The following TSHR variants were observed in gnomAD, a reference collection of about 807,000 sequenced individuals.
The protein encoded by TSHR is thyrotropin receptor.
Under a neutral mutation model 64.1 loss-of-function variants are expected in TSHR, and 51 were observed. The observed-to-expected ratio is 0.80, with a 90% CI of 0.64 to 1.01. The LOEUF (loss-of-function observed/expected upper bound fraction) is 1.01. TSHR is among the 50% of genes least tolerant of loss of function. The pLI, the probability that TSHR is intolerant of heterozygous loss-of-function variation, is 0.00. For missense variants in TSHR, 877 were observed against 942.8 expected (o/e 0.93, Z 0.91); for synonymous variants, 361 against 361.9 (o/e 1.00, Z 0.03).
intron 1 of TSHR, chr14:81,013,366 C>G (rs1035770755): frequency 1.3e-5 from 2 of 152,132 alleles, no homozygotes. Context: ...AGTTTGAAGT[C>G]AGGTAGTGTG....
At chr14:80,999,056 T>C (rs1182276931) in intron 1 of TSHR, among the ~76,000 whole-genome samples, 1 of 152,200 alleles carries the variant, frequency 6.6e-6, no homozygotes, top group Non-Finnish European at 1.5e-5. Flanking sequence ...TCATATTGCT[T>C]GGAGAAGAAA....
chr14:81,064,188 A>C (rs1482860982), intron 2 of TSHR, among the ~76,000 whole-genome samples: 1 of 152,126 alleles, frequency 6.6e-6, no homozygotes, highest in Non-Finnish European at 1.5e-5. Flanking sequence ...TGTAGGCAGG[A>C]AGCTAGTGAA....
At chr14:81,102,792 G>T in intron 7 of TSHR, 5 of 985,392 alleles carry the variant, frequency 5.1e-6, no homozygotes, top group Non-Finnish European at 6.0e-6. Flanking sequence ...GATGACCATT[G>T]TGTGGCGAAA....
chr14:81,025,330 G>A (rs1040849431), intron 1 of TSHR, among the ~76,000 whole-genome samples: 1 of 151,718 alleles, frequency 6.6e-6, no homozygotes, highest in Non-Finnish European at 1.5e-5. Flanking sequence ...AAAAATTGTT[G>A]CAAATCTCCA....
intron 8 of TSHR, among the ~76,000 whole-genome samples, chr14:81,111,779 A>T (rs1019436908): frequency 6.6e-6 from 1 of 152,206 alleles, no homozygotes; most frequent in African/African-American, 2.4e-5. Flanking sequence ...GGTTCATATT[A>T]TAATGCCCAA....
At chr14:80,962,792 G>A (rs1399316770) in intron 1 of TSHR, among the ~76,000 whole-genome samples, 1 of 152,066 alleles carries the variant, frequency 6.6e-6, no homozygotes, top group African/African-American at 2.4e-5. Flanking sequence ...CTTCCATACG[G>A]GACAGAATTT....
Position 81,108,359 on chromosome 14 carries a change from C to CTT in TSHR, c.615-15_615-14insTT. 1.3e-6 allele frequency: 2 copies of CTT among 1,582,846 alleles called. No homozygotes were observed. The highest frequency in any genetic ancestry group is 1.7e-6 in the Non-Finnish European group (2 of 1,152,740). ...CCTAATTCATTCTCTCTCTCTCTTT[C>CTT]TCTCTCTCCCTCTAGTTACCTAAAC... On this transcript the variant is annotated splice_polypyrimidine_tract_variant and intron_variant, in intron 7 of 9. Transcript: ENST00000298171.
chr14:81,073,022 ATAT>A (rs1328868023), intron 3 of TSHR, among the ~76,000 whole-genome samples: 2,114 of 20,110 alleles, frequency 0.11, 122 homozygotes, highest in Non-Finnish European at 0.13. Context: ...TAAAAAATAA[ATAT>A]ATATATATAT....
At chr14:81,084,450 T>C (rs932997414) in intron 3 of TSHR, among the ~76,000 whole-genome samples, 2 of 152,210 alleles carry the variant, frequency 1.3e-5, no homozygotes, top group Admixed American at 6.5e-5. Context: ...CAGAGTACTC[T>C]ATATTTTTGG....
intron 1 of TSHR, among the ~76,000 whole-genome samples, chr14:81,009,758 C>T (rs116179387): frequency 1.3e-5 from 2 of 151,866 alleles, no homozygotes; most frequent in African/African-American, 2.4e-5. Flanking sequence ...AAATAAATCA[C>T]AATTTGTTTA....
Position 80,983,553 on chromosome 14 carries a change from G to A in TSHR, c.170+27703G>A, listed in dbSNP as rs779663510. 3.1e-4 allele frequency: 382 copies of A among 1,238,304 alleles called. 2 individuals are homozygous for A. The highest frequency in any genetic ancestry group is 4.1e-4 in the Non-Finnish European group (351 of 852,836). 76.7% of individuals were successfully genotyped at this position (1,238,304 alleles called of 1,614,324 possible). A position where few individuals can be genotyped will look rare whatever the true frequency, so the allele number is the denominator to read the frequency against. ...TAACATAAAGGAGCATATCAGAAAG[G>A]GCTCAATTGTAGTTGTTGATCACTT... On this transcript the variant is annotated intron_variant, in intron 1 of 9. Transcript: ENST00000298171.
intron 1 of TSHR, among the ~76,000 whole-genome samples, chr14:81,047,252 C>T (rs1325084755): frequency 6.6e-6 from 1 of 151,786 alleles, no homozygotes; most frequent in African/African-American, 2.4e-5. Flanking sequence ...GGGAAGAACT[C>T]GCTTTTTGGC....
intron 1 of TSHR, chr14:80,994,382 A>C (rs112013535): frequency 2.6e-5 from 4 of 152,154 alleles, no homozygotes; most frequent in African/African-American, 9.6e-5. Context: ...AAAACTATTT[A>C]AAAATTTATA....
intron 1 of TSHR, chr14:80,983,431 G>A: frequency 7.9e-7 from 1 of 1,262,322 alleles, no homozygotes; most frequent in South Asian, 1.5e-5. Flanking sequence ...ACTGCAGCCA[G>A]AGACATGATC....
chr14:81,096,718 G>A lies in TSHR; in HGVS notation c.614+11G>A, dbSNP rs374690635. 2 of 1,612,806 alleles carry A rather than the reference G, an allele frequency of 1.2e-6. No homozygotes were observed. Among genetic ancestry groups the A allele is most frequent in the African/African-American group, 2.7e-5 (2 of 74,778 alleles). ...AAAGCTGGATGCTGTGTAAGTCAAG[G>A]GTAGCCATGAAAACTGTCACTTTCC... On this transcript the variant is annotated intron_variant, in intron 7 of 9. Transcript: ENST00000298171.
intron 6 of TSHR, among the ~76,000 whole-genome samples, chr14:81,093,271 G>A (rs1318376117): frequency 6.6e-6 from 1 of 152,230 alleles, no homozygotes; most frequent in African/African-American, 2.4e-5. Flanking sequence ...TGGGGGCAAA[G>A]CCCTTTAGAT....
intron 8 of TSHR, among the ~76,000 whole-genome samples, chr14:81,111,409 T>C (rs1890220549): frequency 6.6e-6 from 1 of 152,176 alleles, no homozygotes; most frequent in Admixed American, 6.5e-5. Context: ...CTCCTGCCTT[T>C]ATTTAGTCTT....
intron 7 of TSHR, among the ~76,000 whole-genome samples, chr14:81,107,671 G>C (rs1202628376): frequency 6.6e-6 from 1 of 152,108 alleles, no homozygotes; most frequent in Non-Finnish European, 1.5e-5. Context: ...AGATTACTCT[G>C]TAATCTCATC....
chr14:81,132,219 T>A (rs966268865), intron 8 of TSHR, among the ~76,000 whole-genome samples: 1 of 152,210 alleles, frequency 6.6e-6, no homozygotes, highest in Non-Finnish European at 1.5e-5. Flanking sequence ...TTCCACATAT[T>A]GACCTTTGGG....
Sources: gnomAD v4.1 joint callset for allele counts (sites outside exome capture counted in the v4.1 genomes callset) on GRCh38, gnomAD v4.1.1 for gene constraint, MANE v1.5 for transcripts, NCBI Gene and HGNC (gene_info 2026-07-23, HGNC 2026-07-21) for gene names.